ARB2A: variants seen among roughly 807,000 people sequenced by gnomAD.
ARB2A encodes ARB2 cotranscriptional regulator A.
the ARB2A span, among the ~76,000 whole-genome samples, chr5:93,898,097 C>T: frequency 1.3e-5 from 2 of 151,870 alleles, no homozygotes; most frequent in African/African-American, 2.4e-5. Flanking sequence ...CATCTCCTAC[C>T]CCTGACAATT....
At chr5:93,926,698 A>G in the ARB2A span, among the ~76,000 whole-genome samples, 23 of 152,098 alleles carry the variant, frequency 1.5e-4, no homozygotes, top group Admixed American at 3.9e-4. Context: ...AAAGAAATCA[A>G]TCCTAAGGCA....
chr5:93,716,021 A>G, the ARB2A span, among the ~76,000 whole-genome samples: 1 of 152,186 alleles, frequency 6.6e-6, no homozygotes, highest in African/African-American at 2.4e-5. Context: ...CTAAGAAACC[A>G]TGGGAACCCT....
chr5:93,632,096 A>T, the ARB2A span, among the ~76,000 whole-genome samples: 1 of 152,288 alleles, frequency 6.6e-6, no homozygotes, highest in Admixed American at 6.5e-5. Flanking sequence ...AGCAGAGAAT[A>T]TAAGGGCTCT....
chr5:94,050,668 A>G, the ARB2A span: 1 of 1,305,470 alleles, frequency 7.7e-7, no homozygotes, highest in Non-Finnish European at 1.1e-6. Flanking sequence ...TGCATCTTCA[A>G]AACTTTTATT....
At chr5:93,801,564 A>G in the ARB2A span, among the ~76,000 whole-genome samples, 1 of 152,140 alleles carries the variant, frequency 6.6e-6, no homozygotes, top group Admixed American at 6.6e-5. Flanking sequence ...AATACATGAT[A>G]AATTCATCAT....
At chr5:93,952,888 T>TAA in the ARB2A span, among the ~76,000 whole-genome samples, 1 of 152,210 alleles carries the variant, frequency 6.6e-6, no homozygotes, top group Admixed American at 6.5e-5. Flanking sequence ...TAGCTTGTCT[T>TAA]GAAGCTCACC....
the ARB2A span, among the ~76,000 whole-genome samples, chr5:93,963,007 G>A: frequency 7.5e-4 from 114 of 151,820 alleles, 1 homozygote; most frequent in Non-Finnish European, 6.2e-4. Context: ...TGAGTTTAAG[G>A]GTTCCCTAGA....
chr5:94,068,862 CAAAA>C, the ARB2A span, among the ~76,000 whole-genome samples: 15 of 62,336 alleles, frequency 2.4e-4, no homozygotes, highest in East Asian at 6.0e-3. Context: ...ACTAAAAATA[CAAAA>C]AAAAAAAAAA....
chr5:94,055,701 A>G, the ARB2A span: 1 of 985,400 alleles, frequency 1.0e-6, no homozygotes, highest in South Asian at 4.7e-5. Flanking sequence ...AAGGGTTTTA[A>G]TATCAAAAAT....
chr5:94,085,768 C>T, the ARB2A span, among the ~76,000 whole-genome samples: 1 of 152,110 alleles, frequency 6.6e-6, no homozygotes, highest in Admixed American at 6.5e-5. Flanking sequence ...TACTGTAGTA[C>T]ATTAACAGGG....
At chr5:94,035,210 T>TACATAC in the ARB2A span, among the ~76,000 whole-genome samples, 1 of 148,248 alleles carries the variant, frequency 6.7e-6, no homozygotes, top group Non-Finnish European at 1.5e-5. Flanking sequence ...CATATACATA[T>TACATAC]ACATATACAT....
chr5:93,766,663 A>T, the ARB2A span, among the ~76,000 whole-genome samples: 2 of 152,166 alleles, frequency 1.3e-5, no homozygotes, highest in African/African-American at 4.8e-5. Context: ...TAGAAATACC[A>T]TTTGACCCAG....
chr5:93,695,098 C>G, the ARB2A span, among the ~76,000 whole-genome samples: 1 of 152,036 alleles, frequency 6.6e-6, no homozygotes, highest in Non-Finnish European at 1.5e-5. Flanking sequence ...AGAAGAAAAC[C>G]TAGGCAATAC....
At chr5:93,917,608 T>C in the ARB2A span, among the ~76,000 whole-genome samples, 7 of 152,282 alleles carry the variant, frequency 4.6e-5, no homozygotes, top group South Asian at 1.4e-3. Context: ...CCAGGTGCAG[T>C]GGTTCACACC....
At chr5:93,955,352 A>G in the ARB2A span, among the ~76,000 whole-genome samples, 2 of 152,214 alleles carry the variant, frequency 1.3e-5, no homozygotes, top group African/African-American at 2.4e-5. Context: ...GGAGAAGTTC[A>G]TATTAATAAG....
chr5:94,093,676 C>A, the ARB2A span, among the ~76,000 whole-genome samples: 2 of 152,142 alleles, frequency 1.3e-5, no homozygotes, highest in Non-Finnish European at 2.9e-5. Flanking sequence ...ATGCAAAATG[C>A]ATTCATTACA....
chr5:93,676,939 G>C, the ARB2A span, among the ~76,000 whole-genome samples: 1 of 152,172 alleles, frequency 6.6e-6, no homozygotes, highest in Non-Finnish European at 1.5e-5. Context: ...CACGGTGCCA[G>C]ATTGGACACT....
At chr5:93,919,784 G>A in the ARB2A span, among the ~76,000 whole-genome samples, 13 of 151,958 alleles carry the variant, frequency 8.6e-5, no homozygotes, top group African/African-American at 3.1e-4. Context: ...AGTGGGAGGG[G>A]GAAAGTAAAA....
At chr5:94,094,120 T>C in the ARB2A span, among the ~76,000 whole-genome samples, 60 of 152,308 alleles carry the variant, frequency 3.9e-4, 1 homozygote, top group African/African-American at 1.4e-3. Context: ...TCCCAATTCA[T>C]GGTATTACAA....
Sources: allele counts gnomAD v4.1 joint callset (sites outside exome capture counted in the v4.1 genomes callset), GRCh38; gene constraint gnomAD v4.1.1; transcripts MANE v1.5; gene names NCBI Gene and HGNC (gene_info 2026-07-23, HGNC 2026-07-21).